The following SAMD5 variants were observed in gnomAD, a reference collection of about 807,000 sequenced individuals.
The protein encoded by SAMD5 is sterile alpha motif domain containing 5.
SAMD5 carries 13 observed loss-of-function variants against 11.3 expected under a neutral mutation model. That is an observed-to-expected ratio of 1.15 (90% CI 0.75 to 1.83). The LOEUF is 1.83. Among genes scored for constraint, SAMD5 ranks in the 40% most tolerant of loss-of-function variants. The probability of loss-of-function intolerance (pLI) is 0.00; values close to 1 mark genes in which losing one functional copy is unlikely to be tolerated. For missense variants in SAMD5, 255 were observed against 239.1 expected (o/e 1.07, Z -0.44); for synonymous variants, 129 against 111.3 (o/e 1.16, Z -1.00).
chr6:147,714,199 G>A (rs928242453), intron 1 of SAMD5, among the ~76,000 whole-genome samples: 2 of 152,206 alleles, frequency 1.3e-5, no homozygotes, highest in Admixed American at 6.5e-5. Flanking sequence ...GACAGAGGTA[G>A]GTATTTTGGT....
intron 1 of SAMD5, among the ~76,000 whole-genome samples, chr6:147,588,133 T>A (rs1789401446): frequency 6.6e-6 from 1 of 151,466 alleles, no homozygotes; most frequent in Admixed American, 6.6e-5. Context: ...AGGAACAAAG[T>A]CCAGGGTACA....
chr6:147,816,301 A>AAAAAAAAAAAT, the SAMD5 span, among the ~76,000 whole-genome samples: 15 of 66,350 alleles, frequency 2.3e-4, no homozygotes, highest in African/African-American at 9.2e-4. Context: ...AAAAAAAAAA[A>AAAAAAAAAAAT]ATATATATAT....
the SAMD5 span, among the ~76,000 whole-genome samples, chr6:147,868,446 T>C: frequency 6.6e-6 from 1 of 152,176 alleles, no homozygotes; most frequent in Non-Finnish European, 1.5e-5. Flanking sequence ...AGTCTGGAAA[T>C]TGTGGGACTT....
At chr6:147,557,750 C>A (rs1562320025) in intron 1 of SAMD5, among the ~76,000 whole-genome samples, 1 of 152,190 alleles carries the variant, frequency 6.6e-6, no homozygotes, top group South Asian at 2.1e-4. Flanking sequence ...AGGGGGGACA[C>A]TATTCAACCA....
chr6:147,892,117 C>T, the SAMD5 span, among the ~76,000 whole-genome samples: 2 of 152,174 alleles, frequency 1.3e-5, no homozygotes, highest in Non-Finnish European at 2.9e-5. Context: ...ACCGTCCTTC[C>T]TCTCTCCCTC....
At chr6:147,714,946 A>G (rs1244280852) in intron 1 of SAMD5, among the ~76,000 whole-genome samples, 1 of 152,236 alleles carries the variant, frequency 6.6e-6, no homozygotes, top group Non-Finnish European at 1.5e-5. Flanking sequence ...TGTTTACCAA[A>G]TTACTATTAT....
chr6:147,669,677 C>T lies in SAMD5; in HGVS notation c.163-67640C>T, dbSNP rs149135957. On this transcript the variant is annotated intron_variant, in intron 1 of 1. Coordinates refer to the SAMD5 transcript ENST00000566741. ...AACACCCAGCCTCAGGTAATCCCCT[C>T]GCCTCAGCCTCCTAAAGTGCTGGGA... is the stretch of plus-strand genomic sequence containing the variant. 2.7e-3 allele frequency among the ~76,000 whole-genome samples: 417 copies of T among 151,974 alleles called. 2 individuals are homozygous for T. The highest frequency in any genetic ancestry group is 9.3e-3 in the African/African-American group (384 of 41,446).
chr6:147,707,005 A>G (rs376000939), intron 1 of SAMD5, among the ~76,000 whole-genome samples: 32 of 152,332 alleles, frequency 2.1e-4, no homozygotes, highest in Admixed American at 5.2e-4. Flanking sequence ...ATACAGACTA[A>G]CACTTGGTTA....
At chr6:147,667,395 G>A (rs1039008407) in intron 1 of SAMD5, among the ~76,000 whole-genome samples, 10 of 152,086 alleles carry the variant, frequency 6.6e-5, no homozygotes, top group Non-Finnish European at 1.5e-4. Flanking sequence ...GTAGCTATTT[G>A]CAGTTTTACA....
the SAMD5 span, among the ~76,000 whole-genome samples, chr6:147,883,033 T>C: frequency 3.3e-5 from 5 of 152,214 alleles, no homozygotes; most frequent in South Asian, 4.1e-4. Context: ...GTTTTTATGA[T>C]TCTGGAAGAA....
the SAMD5 span, among the ~76,000 whole-genome samples, chr6:147,791,873 C>T: frequency 9.2e-5 from 14 of 151,954 alleles, no homozygotes; most frequent in East Asian, 3.9e-4. Flanking sequence ...ATATGACTTA[C>T]GAGAAAAGGC....
chr6:147,921,844 A>C, the SAMD5 span, among the ~76,000 whole-genome samples: 2 of 152,210 alleles, frequency 1.3e-5, no homozygotes, highest in Admixed American at 1.3e-4. Flanking sequence ...TAGTATTTCC[A>C]TATAACCATT....
At chr6:147,781,772 GCACACA>G in the SAMD5 span, among the ~76,000 whole-genome samples, 18,293 of 146,268 alleles carry the variant, frequency 0.13, 1,178 homozygotes, top group Middle Eastern at 0.22. Context: ...ATTTGTGTGC[GCACACA>G]CACACACACA....
intron 1 of SAMD5, among the ~76,000 whole-genome samples, chr6:147,561,186 A>AATTTATTT (rs753629830): frequency 2.6e-5 from 4 of 151,904 alleles, no homozygotes; most frequent in African/African-American, 9.7e-5. Flanking sequence ...GGCTTTTATG[A>AATTTATTT]ATTTATTTAT....
the SAMD5 span, among the ~76,000 whole-genome samples, chr6:147,868,606 G>A: frequency 6.6e-6 from 1 of 152,184 alleles, no homozygotes; most frequent in Non-Finnish European, 1.5e-5. Flanking sequence ...AAGCCACTCT[G>A]TGGTGTACTG....
the SAMD5 span, among the ~76,000 whole-genome samples, chr6:147,788,880 G>A: frequency 6.3e-4 from 95 of 151,628 alleles, no homozygotes; most frequent in African/African-American, 2.1e-3. Context: ...TCAGGAGATC[G>A]AGACCATCCT....
At chr6:147,945,451 G>A in the SAMD5 span, among the ~76,000 whole-genome samples, 21 of 152,132 alleles carry the variant, frequency 1.4e-4, no homozygotes, top group South Asian at 2.1e-4. Flanking sequence ...TTATTTATCC[G>A]TGTATAAATA....
the SAMD5 span, among the ~76,000 whole-genome samples, chr6:147,922,385 G>T: frequency 6.6e-6 from 1 of 152,110 alleles, no homozygotes; most frequent in Non-Finnish European, 1.5e-5. Context: ...TAATATTATT[G>T]TTACACCTCG....
the SAMD5 span, among the ~76,000 whole-genome samples, chr6:147,816,365 T>C: frequency 7.2e-6 from 1 of 139,290 alleles, no homozygotes; most frequent in East Asian, 2.0e-4. Context: ...ATATATGCAG[T>C]TTATATATAT....
Sources: gnomAD v4.1 joint callset for allele counts (sites outside exome capture counted in the v4.1 genomes callset) on GRCh38, gnomAD v4.1.1 for gene constraint, MANE v1.5 for transcripts, NCBI Gene and HGNC (gene_info 2026-07-23, HGNC 2026-07-21) for gene names.